Variants in DHX35 observed in about 807,000 individuals in gnomAD.
DHX35 encodes the protein probable ATP-dependent RNA helicase DHX35.
In DHX35, 84 loss-of-function variants were observed where a neutral mutation model predicts 99.6. The ratio of observed to expected loss-of-function variants is 0.84; its 90% CI spans 0.71 to 1.01. The LOEUF is 1.01. Ranked by LOEUF, DHX35 falls within the 50% of genes least tolerant of loss-of-function variation. The pLI is 0.00. For missense variants in DHX35, 852 were observed against 888.5 expected (o/e 0.96, Z 0.52); for synonymous variants, 331 against 316.2 (o/e 1.05, Z -0.50).
At chr20:39,024,418 G>T (rs2086919935) in intron 17 of DHX35, among the ~76,000 whole-genome samples, 1 of 152,198 alleles carries the variant, frequency 6.6e-6, no homozygotes. Flanking sequence ...TCTTTTAGAA[G>T]TGAAGAAATA....
chr20:38,973,622 C>T (rs2086034607), intron 3 of DHX35, among the ~76,000 whole-genome samples: 1 of 152,178 alleles, frequency 6.6e-6, no homozygotes, highest in Non-Finnish European at 1.5e-5. Context: ...TGTGAGTCTT[C>T]CTTGGTGTTG....
At chr20:39,023,918 G>A in intron 17 of DHX35, 151 bp downstream of exon 17, 1 of 655,652 alleles carries the variant, frequency 1.5e-6, no homozygotes, top group Non-Finnish European at 2.6e-6. Flanking sequence ...CTTCTAACTG[G>A]TGGGTCGGGC....
chr20:38,989,159 A>G (rs1379142064), intron 5 of DHX35, among the ~76,000 whole-genome samples: 2 of 143,362 alleles, frequency 1.4e-5, no homozygotes, highest in Non-Finnish European at 3.0e-5. Context: ...GTGCGGTGGC[A>G]CGATCTCTGC....
chr20:39,035,487 C>T lies in DHX35; in HGVS notation c.2067+1170C>T, dbSNP rs2087135337. ...AGAAGAGAAAGTCTGAAACCTTTTT[C>T]TCCATTAGGGCCAGAATTGGACTAC... On this transcript the variant is annotated intron_variant, in intron 21 of 21. Coordinates refer to ENST00000252011, the MANE Select transcript of DHX35 (RefSeq NM_021931.4). Among the ~76,000 whole-genome samples the T allele has an allele frequency of 2.0e-5, 3 of 152,214 alleles. No homozygotes were observed. The South Asian group carries it at 6.2e-4, about 32-fold the overall frequency.
rs62202598 is a variant in DHX35, at chr20:39,030,899, A to T, written c.1955+124A>T. ...TGCTCTGGGCCGGGCGTGGTGGCTC[A>T]CGCCTGTAATCCCAGCACTTTGGGA... On this transcript the variant is annotated intron_variant, in intron 20 of 21. Transcript: ENST00000252011. The T allele has an allele frequency of 2.0e-3, 2,129 of 1,065,634 alleles. 25 individuals carry two copies. The African/African-American group carries it at 0.029, about 15-fold the overall frequency. 66.0% of individuals were successfully genotyped at this position (1,065,634 alleles called of 1,614,324 possible).
chr20:39,034,168 A>G (rs1260877327), intron 20 of DHX35, 38 bp from the exon 21 acceptor site: 9 of 1,494,286 alleles, frequency 6.0e-6, no homozygotes, highest in Non-Finnish European at 7.4e-6. Context: ...TGTCATCACA[A>G]GAGGGGGAAA....
intron 3 of DHX35, among the ~76,000 whole-genome samples, chr20:38,977,355 G>A (rs111226795): frequency 2.6e-5 from 4 of 151,982 alleles, no homozygotes; most frequent in African/African-American, 4.8e-5. Flanking sequence ...GTGATGTTGA[G>A]CATTATTTCG....
intron 3 of DHX35, among the ~76,000 whole-genome samples, chr20:38,974,727 A>G (rs1415019041): frequency 6.6e-6 from 1 of 152,150 alleles, no homozygotes; most frequent in Non-Finnish European, 1.5e-5. Context: ...AGGATTAAGG[A>G]CAAAGTCCAT....
At chr20:38,999,107 A>G (rs949714837) in intron 8 of DHX35, among the ~76,000 whole-genome samples, 4 of 152,154 alleles carry the variant, frequency 2.6e-5, no homozygotes, top group Admixed American at 1.3e-4. Flanking sequence ...TTAATTCTTG[A>G]AAGAGTAACT....
intron 15 of DHX35, among the ~76,000 whole-genome samples, chr20:39,019,616 T>G (rs2086840655): frequency 6.6e-6 from 1 of 152,224 alleles, no homozygotes; most frequent in African/African-American, 2.4e-5. Context: ...ATTTATGAGA[T>G]AGAGTGTGAT....
intron 5 of DHX35, among the ~76,000 whole-genome samples, chr20:38,989,317 T>C (rs149427163): frequency 0.016 from 2,392 of 148,054 alleles, 42 homozygotes; most frequent in South Asian, 0.059. Flanking sequence ...GGTTTCACTG[T>C]GTTAGCCAGG....
intron 12 of DHX35, among the ~76,000 whole-genome samples, chr20:39,010,031 A>T (rs1242043583): frequency 1.3e-5 from 2 of 152,248 alleles, no homozygotes; most frequent in South Asian, 2.1e-4. Context: ...CTGACAAAAA[A>T]CATTAAAAAA....
intron 10 of DHX35, 36 bp from the exon 11 acceptor site, chr20:39,003,713 T>C (rs770899665): frequency 1.3e-6 from 2 of 1,590,988 alleles, no homozygotes; most frequent in Admixed American, 3.4e-5. Flanking sequence ...TTTAAATTGA[T>C]CTCGGTTTCT....
At chr20:39,036,726 C>CAAAAAAAA (rs60032935) in intron 21 of DHX35, among the ~76,000 whole-genome samples, 1 of 51,698 alleles carries the variant, frequency 1.9e-5, no homozygotes, top group African/African-American at 7.9e-5. Flanking sequence ...ACTGTCCCCC[C>CAAAAAAAA]AAAAAAAAAA....
At chr20:39,004,897 A>G (rs2086588005) in intron 11 of DHX35, among the ~76,000 whole-genome samples, 1 of 152,196 alleles carries the variant, frequency 6.6e-6, no homozygotes, top group East Asian at 1.9e-4. Context: ...CCCCTTGACC[A>G]TTGGGATGGA....
At chr20:38,994,598 T>C (rs1408453577) in intron 7 of DHX35, among the ~76,000 whole-genome samples, 1 of 149,842 alleles carries the variant, frequency 6.7e-6, no homozygotes, top group Non-Finnish European at 1.5e-5. Context: ...GAAAATTGCA[T>C]ACATTTACAA....
intron 1 of DHX35, among the ~76,000 whole-genome samples, chr20:38,968,404 A>G (rs2085941427): frequency 6.6e-6 from 1 of 152,180 alleles, no homozygotes; most frequent in Non-Finnish European, 1.5e-5. Flanking sequence ...CTTTTACCTC[A>G]GCTAATTCCC....
At chr20:38,962,720 T>G in intron 1 of DHX35, 2 of 386,550 alleles carry the variant, frequency 5.2e-6, no homozygotes, top group East Asian at 4.9e-5. Context: ...AAGCTCCCTC[T>G]CGTGTCTCGT....
chr20:39,021,281 C>G (rs1035546406), intron 15 of DHX35, among the ~76,000 whole-genome samples: 1 of 152,180 alleles, frequency 6.6e-6, no homozygotes, highest in East Asian at 1.9e-4. Flanking sequence ...TCCAGATGTT[C>G]CCACAGGAGG....
Sources: allele counts gnomAD v4.1 joint callset (sites outside exome capture counted in the v4.1 genomes callset), GRCh38; gene constraint gnomAD v4.1.1; transcripts MANE v1.5; gene names NCBI Gene and HGNC (gene_info 2026-07-23, HGNC 2026-07-21).